SEMA5A: variants seen among roughly 807,000 people sequenced by gnomAD.
SEMA5A encodes semaphorin-5A.
SEMA5A carries 55 observed loss-of-function variants against 135.5 expected under a neutral mutation model. The ratio of observed to expected loss-of-function variants is 0.41; its 90% CI spans 0.33 to 0.51. The LOEUF (loss-of-function observed/expected upper bound fraction) is 0.51. Among genes scored for constraint, SEMA5A ranks in the 20% least tolerant of loss-of-function variants. The probability of loss-of-function intolerance (pLI) is 0.37; values close to 1 mark genes in which losing one functional copy is unlikely to be tolerated. For missense variants in SEMA5A, 1,290 were observed against 1,419.9 expected (o/e 0.91, Z 1.47); for synonymous variants, 580 against 546.5 (o/e 1.06, Z -0.85).
chr5:9,158,633 G>A (rs1211725550), intron 11 of SEMA5A, among the ~76,000 whole-genome samples: 2 of 152,084 alleles, frequency 1.3e-5, no homozygotes, highest in Non-Finnish European at 2.9e-5. Context: ...CTGCTTCAGT[G>A]CAAACTCTCA....
intron 16 of SEMA5A, among the ~76,000 whole-genome samples, chr5:9,080,508 G>A (rs570969606): frequency 2.0e-5 from 3 of 147,952 alleles, no homozygotes; most frequent in East Asian, 2.0e-4. Context: ...AAAACTGCAC[G>A]TTCTGCACAT....
intron 1 of SEMA5A, among the ~76,000 whole-genome samples, chr5:9,455,361 T>C (rs888695131): frequency 1.3e-5 from 2 of 152,058 alleles, no homozygotes; most frequent in African/African-American, 2.4e-5. Flanking sequence ...GTTCACGCCA[T>C]TCTCCTGCCC....
At position 9,315,007 on chromosome 5, in the gene SEMA5A, G is replaced by A. The variant is rs558902882; in HGVS notation, c.270+3365C>T. The stretch of plus-strand genomic sequence containing the variant: ...CAATAATTGCAACCTGATTTCCACC[G>A]AAGGCAGCCAAGACCAAGGAGGCAA... On this transcript the variant is annotated intron_variant, in intron 5 of 22. Coordinates refer to ENST00000382496, the MANE Select transcript of SEMA5A (RefSeq NM_003966.3). 6.6e-5 allele frequency among the ~76,000 whole-genome samples: 10 copies of A among 152,226 alleles called. No individual in the cohort carries two copies. In the East Asian group the frequency reaches 7.7e-4, roughly 12 times the overall value.
chr5:9,093,727 G>A (rs1033700231), intron 16 of SEMA5A, among the ~76,000 whole-genome samples: 2 of 151,512 alleles, frequency 1.3e-5, no homozygotes, highest in Non-Finnish European at 2.9e-5. Flanking sequence ...AAAAAAAACC[G>A]AATGACTGTG....
intron 3 of SEMA5A, among the ~76,000 whole-genome samples, chr5:9,360,317 T>C (rs1754636325): frequency 6.6e-6 from 1 of 152,168 alleles, no homozygotes; most frequent in Admixed American, 6.5e-5. Context: ...TCTTAAGAAA[T>C]TGGATAGATT....
rs114157874 is a variant in SEMA5A at position 9,222,293 on chromosome 5, C to A, written c.646+2381G>T. 7.3e-3 allele frequency among the ~76,000 whole-genome samples: 1,111 copies of A among 152,146 alleles called. 11 individuals carry two copies. Among genetic ancestry groups the A allele is most frequent in the African/African-American group, 0.025 (1,035 of 41,522 alleles). Reference sequence around the variant, plus strand: ...CTGGATGGAGGATCAATCAGAGAAGCGAATCAGGGTCAACTAGGAGTGGAA... The same window carrying A: ...CTGGATGGAGGATCAATCAGAGAAGAGAATCAGGGTCAACTAGGAGTGGAA... On this transcript the variant is annotated intron_variant, in intron 8 of 22. Coordinates refer to ENST00000382496, the MANE Select transcript of SEMA5A (RefSeq NM_003966.3).
At chr5:9,289,063 C>T (rs1750940513) in intron 5 of SEMA5A, among the ~76,000 whole-genome samples, 1 of 152,188 alleles carries the variant, frequency 6.6e-6, no homozygotes, top group South Asian at 2.1e-4. Context: ...GAATAGGACT[C>T]TAACAGTATT....
At chr5:9,197,389 A>T in intron 9 of SEMA5A, 86 bp from the exon 10 acceptor site, 1 of 1,482,568 alleles carries the variant, frequency 6.7e-7, no homozygotes, top group Non-Finnish European at 9.1e-7. Flanking sequence ...AGCAGCTGTG[A>T]CCTACAGCTT....
At chr5:9,544,982 G>T (rs372855313) in intron 1 of SEMA5A, among the ~76,000 whole-genome samples, 8 of 152,220 alleles carry the variant, frequency 5.3e-5, no homozygotes, top group African/African-American at 1.9e-4. Flanking sequence ...AAAGGGGCTC[G>T]CCTAGCTGCA....
chr5:9,412,130 G>T (rs1331829106), intron 2 of SEMA5A, among the ~76,000 whole-genome samples: 2 of 152,036 alleles, frequency 1.3e-5, no homozygotes, highest in South Asian at 2.1e-4. Flanking sequence ...GACATAGAAG[G>T]TCTTAGCTAA....
chr5:9,208,199 A>G (rs1746152089), intron 8 of SEMA5A, among the ~76,000 whole-genome samples: 2 of 152,168 alleles, frequency 1.3e-5, no homozygotes, highest in Admixed American at 1.3e-4. Context: ...TAATATAAAC[A>G]CAGATGTGAG....
chr5:9,037,742 T>C lies in SEMA5A; in HGVS notation c.*5155A>G, dbSNP rs984792581. On this transcript the variant is annotated 3_prime_UTR_variant, in exon 23 of 23. Transcript: ENST00000382496. ...AGGATTAAAGCAACTTATTTTCCTTTGCTTTATTAGGTTAACATAGCAGAT... is the reference window on the plus strand; with the variant it reads ...AGGATTAAAGCAACTTATTTTCCTTCGCTTTATTAGGTTAACATAGCAGAT... 6.6e-6 allele frequency: 1 copy of C among 152,218 alleles called. No homozygotes were observed. The highest frequency in any genetic ancestry group is 1.5e-5 in the Non-Finnish European group (1 of 68,034). The allele number at this position is 152,218 out of a possible 1,614,324, so 9.4% of individuals were successfully genotyped here. A position where few individuals can be genotyped will look rare whatever the true frequency, so the allele number is the denominator to read the frequency against.
intron 1 of SEMA5A, among the ~76,000 whole-genome samples, chr5:9,482,775 A>G (rs1360756940): frequency 6.6e-6 from 1 of 152,232 alleles, no homozygotes; most frequent in Non-Finnish European, 1.5e-5. Flanking sequence ...AGGAAGTGGA[A>G]CTGAAAAGAA....
At chr5:9,225,388 CTAA>C (rs1206213657) in intron 7 of SEMA5A, among the ~76,000 whole-genome samples, 1 of 41,402 alleles carries the variant, frequency 2.4e-5, no homozygotes, top group East Asian at 7.9e-4. Context: ...CCCATCTCTA[CTAA>C]AAAAAAAAAA....
chr5:9,376,053 T>C (rs967647325), intron 3 of SEMA5A, among the ~76,000 whole-genome samples: 1 of 152,116 alleles, frequency 6.6e-6, no homozygotes, highest in African/African-American at 2.4e-5. Context: ...CTTTCCAATT[T>C]CCAGAATCTA....
intron 10 of SEMA5A, among the ~76,000 whole-genome samples, chr5:9,193,250 T>C (rs1196170494): frequency 6.6e-6 from 1 of 152,176 alleles, no homozygotes; most frequent in African/African-American, 2.4e-5. Context: ...CTTTGCCTTT[T>C]ATGCTGGACT....
In SEMA5A at chr5:9,063,107, TGC is replaced by T. The variant is rs1561115736; in HGVS notation, c.2300-4_2300-3del. The T allele has an allele frequency of 2.5e-6, 4 of 1,609,708 alleles. No homozygotes were observed. The highest frequency in any genetic ancestry group is 3.4e-6 in the Non-Finnish European group (4 of 1,177,796). On this transcript the variant is annotated splice_region_variant and splice_polypyrimidine_tract_variant and intron_variant, in intron 17 of 22. Coordinates refer to ENST00000382496, the MANE Select transcript of SEMA5A (RefSeq NM_003966.3). Reference sequence around the variant, plus strand: ...CACGCAGGAAATCCCCAGAAAGCCCTGCCAAGGAAACAGGTGAAGTGTGATTC... The same window carrying T: ...CACGCAGGAAATCCCCAGAAAGCCCTCAAGGAAACAGGTGAAGTGTGATTC...
At chr5:9,388,682 G>A (rs549025968) in intron 2 of SEMA5A, among the ~76,000 whole-genome samples, 108 of 152,180 alleles carry the variant, frequency 7.1e-4, no homozygotes, top group Non-Finnish European at 1.4e-3. Context: ...GGCGGATCAT[G>A]AGGTCAGAAG....
intron 4 of SEMA5A, among the ~76,000 whole-genome samples, chr5:9,319,431 T>C (rs1304570802): frequency 6.6e-6 from 1 of 152,080 alleles, no homozygotes; most frequent in Non-Finnish European, 1.5e-5. Flanking sequence ...AAACATGCAG[T>C]GGAGATCAGT....
Sources: gnomAD v4.1 joint callset for allele counts (sites outside exome capture counted in the v4.1 genomes callset) on GRCh38, gnomAD v4.1.1 for gene constraint, MANE v1.5 for transcripts, NCBI Gene and HGNC (gene_info 2026-07-23, HGNC 2026-07-21) for gene names.